CA5B: variants seen among roughly 807,000 people sequenced by gnomAD.
CA5B encodes carbonic anhydrase 5B.
A neutral mutation model predicts 23.1 loss-of-function variants in CA5B; 15 were observed. That is an observed-to-expected ratio of 0.65 (90% CI 0.43 to 1.00). The LOEUF (loss-of-function observed/expected upper bound fraction) is 1.00. Ranked by LOEUF, CA5B falls within the 50% of genes least tolerant of loss-of-function variation. The probability of loss-of-function intolerance (pLI) is 0.00; values close to 1 mark genes in which losing one functional copy is unlikely to be tolerated. For synonymous variants in CA5B, 84 were observed against 98.5 expected (o/e 0.85, Z 0.87); for missense variants, 236 against 252.2 (o/e 0.94, Z 0.43).
In CA5B at chrX:15,762,300, T is replaced by G. The variant is rs773941137; in HGVS notation, c.143-2278T>G. On this transcript the variant is annotated intron_variant, in intron 2 of 7. Coordinates refer to ENST00000318636, the MANE Select transcript of CA5B (RefSeq NM_007220.4). ...AAAAAAAGGTATTGACTTCCGGCTT[T>G]CAGCAATTACCGAAGGAAGAGGATT... 2.4e-4 allele frequency among the ~76,000 whole-genome samples: 27 copies of G among 110,584 alleles called. 1 individual carries two copies. The South Asian group carries it at 0.01, about 42-fold the overall frequency.
intron 1 of CA5B, among the ~76,000 whole-genome samples, chrX:15,745,933 A>T (rs1931220701): frequency 9.0e-6 from 1 of 111,449 alleles, no homozygotes; most frequent in African/African-American, 3.3e-5. Context: ...AATTTGAGTA[A>T]TAATAACTTG....
intron 2 of CA5B, among the ~76,000 whole-genome samples, chrX:15,756,857 A>G (rs1931497989): frequency 1.8e-5 from 2 of 109,150 alleles, no homozygotes; most frequent in Non-Finnish European, 3.8e-5. Flanking sequence ...GATCGAGACC[A>G]TCCTGGCTAA....
At chrX:15,774,839 C>T (rs5980181) in intron 5 of CA5B, among the ~76,000 whole-genome samples, 3,212 of 111,437 alleles carry the variant, frequency 0.029, 45 homozygotes, top group Middle Eastern at 0.07. Context: ...CTCCATCCCC[C>T]CCACCACCAA....
intron 2 of CA5B, among the ~76,000 whole-genome samples, chrX:15,754,548 C>A (rs1463391320): frequency 1.8e-5 from 2 of 112,009 alleles, no homozygotes; most frequent in African/African-American, 6.5e-5. Context: ...GTTGATAGTC[C>A]TAACTTTGGA....
chrX:15,739,450 GTTTT>G (rs79951796), intron 1 of CA5B, among the ~76,000 whole-genome samples: 1 of 100,539 alleles, frequency 9.9e-6, no homozygotes, highest in South Asian at 4.5e-4. Context: ...TTTTACTGAG[GTTTT>G]TTTTTTTTTT....
In CA5B at chrX:15,784,490, G is replaced by A. The variant is rs1442918098; in HGVS notation, c.*1826G>A. The A allele has an allele frequency of 8.9e-6, 1 of 112,184 alleles. No homozygotes were observed. Among genetic ancestry groups the A allele is most frequent in the Non-Finnish European group, 1.9e-5 (1 of 53,275 alleles). 9.2% of individuals were successfully genotyped at this position (112,184 alleles called of 1,213,427 possible). A position where few individuals can be genotyped will look rare whatever the true frequency, so the allele number is the denominator to read the frequency against. On this transcript the variant is annotated 3_prime_UTR_variant, in exon 8 of 8. Coordinates refer to ENST00000318636, the MANE Select transcript of CA5B (RefSeq NM_007220.4). ...TCTAGATAATTCTACATATTCTGAG[G>A]AATTCATGCTCCTGTGGCTCTTGCT...
chrX:15,747,342 C>T (rs1314487900), intron 1 of CA5B, among the ~76,000 whole-genome samples: 2 of 111,501 alleles, frequency 1.8e-5, no homozygotes, highest in East Asian at 2.8e-4. Flanking sequence ...TCATAGGTTA[C>T]GGGTTTTTCA....
Position 15,743,951 on chromosome X carries a change from AGCACCATTCTGGG to A in CA5B, c.-54+5604_-54+5616del, listed in dbSNP as rs1304615191. On this transcript the variant is annotated intron_variant, in intron 1 of 7. Transcript: ENST00000318636. ...AGTCAGGGTCCCCTACAGTGAGATC[AGCACCATTCTGGG>A]GCACAGATAGAGGTCCAGACTTTTG... Among the ~76,000 whole-genome samples the A allele has an allele frequency of 2.7e-5, 3 of 111,983 alleles. No homozygotes were observed. In the East Asian group the frequency reaches 8.3e-4, roughly 31 times the overall value.
chrX:15,741,115 T>A (rs1473731227), intron 1 of CA5B, among the ~76,000 whole-genome samples: 1 of 109,187 alleles, frequency 9.2e-6, no homozygotes, highest in Non-Finnish European at 1.9e-5. Flanking sequence ...TCACCTAGGC[T>A]GGAGTGCAGC....
At chrX:15,774,775 C>A (rs1425881939) in intron 5 of CA5B, among the ~76,000 whole-genome samples, 1 of 111,466 alleles carries the variant, frequency 9.0e-6, no homozygotes, top group Admixed American at 9.5e-5. Flanking sequence ...GAGGTGGAGG[C>A]TGCAGTAAGC....
intron 6 of CA5B, chrX:15,775,822 G>A: frequency 1.4e-6 from 1 of 736,721 alleles, no homozygotes; most frequent in Non-Finnish European, 1.6e-6. Flanking sequence ...ATCCCCCACT[G>A]TATCCCTCTG....
rs1932048870 is a variant in CA5B at position 15,782,768 on chromosome X, C to T, written c.*104C>T. On this transcript the variant is annotated 3_prime_UTR_variant, in exon 8 of 8. Transcript: ENST00000318636. Reference sequence around the variant, plus strand: ...AAGTGCCTGCATTTGATAATATTTACAGATGTGCATTTCTTAGCATGAGAG... The same window carrying T: ...AAGTGCCTGCATTTGATAATATTTATAGATGTGCATTTCTTAGCATGAGAG... 2.6e-5 allele frequency: 16 copies of T among 615,067 alleles called. No homozygotes were observed. Among genetic ancestry groups the T allele is most frequent in the Middle Eastern group, 3.4e-4 (1 of 2,974 alleles). The allele number at this position is 615,067 out of a possible 1,213,427, so 50.7% of individuals were successfully genotyped here. A position where few individuals can be genotyped will look rare whatever the true frequency, so the allele number is the denominator to read the frequency against.
rs1932075066 is a variant in CA5B, at chrX:15,784,180, GC to G, written c.*1519del. 2 of 112,456 alleles carry G rather than the reference GC, an allele frequency of 1.8e-5. No individual in the cohort carries two copies. The highest frequency in any genetic ancestry group is 5.6e-4 in the East Asian group (2 of 3,553). 9.3% of individuals were successfully genotyped at this position (112,456 alleles called of 1,213,427 possible). On this transcript the variant is annotated 3_prime_UTR_variant, in exon 8 of 8. Transcript: ENST00000318636. ...TGGGATTACAGGCGTGAGCCACCGTGCCCGGCCTTCCAGAAATATTTTTCAA... is the reference window on the plus strand; with the variant it reads ...TGGGATTACAGGCGTGAGCCACCGTGCCGGCCTTCCAGAAATATTTTTCAA...
intron 3 of CA5B, chrX:15,769,403 A>G: frequency 1.5e-6 from 1 of 648,645 alleles, no homozygotes; most frequent in Non-Finnish European, 1.8e-6. Context: ...GAGAGTCGAA[A>G]TACTGTGGGG....
intron 7 of CA5B, among the ~76,000 whole-genome samples, chrX:15,782,112 T>G (rs993789380): frequency 1.8e-5 from 2 of 112,297 alleles, no homozygotes; most frequent in Admixed American, 9.4e-5. Context: ...TCCTTTCTCA[T>G]TCTGTAAGCT....
chrX:15,767,621 T>C (rs1264182411), intron 3 of CA5B, among the ~76,000 whole-genome samples: 1 of 108,938 alleles, frequency 9.2e-6, no homozygotes, highest in Non-Finnish European at 1.9e-5. Flanking sequence ...GGAGTTTTGC[T>C]CTTGTTGCCC....
At chrX:15,761,393 A>G in intron 2 of CA5B, among the ~76,000 whole-genome samples, 2 of 112,211 alleles carry the variant, frequency 1.8e-5, no homozygotes, top group South Asian at 7.4e-4. Context: ...TCCTGCCCAC[A>G]AGGAATTTGC....
intron 2 of CA5B, among the ~76,000 whole-genome samples, chrX:15,757,102 G>A (rs1232824144): frequency 1.8e-5 from 2 of 109,041 alleles, no homozygotes; most frequent in Non-Finnish European, 1.9e-5. Context: ...ATGGCCGGGT[G>A]CAGTGGCTCA....
chrX:15,775,703 TCCTTCAGGTCGGATG>T, intron 6 of CA5B: 2 of 757,718 alleles, frequency 2.6e-6, no homozygotes, highest in South Asian at 1.3e-4. Flanking sequence ...GTAATCCACA[TCCTTCAGGTCGGATG>T]CCTTTGTCCA....
Sources: gnomAD v4.1 joint callset for allele counts (sites outside exome capture counted in the v4.1 genomes callset) on GRCh38, gnomAD v4.1.1 for gene constraint, MANE v1.5 for transcripts, NCBI Gene and HGNC (gene_info 2026-07-23, HGNC 2026-07-21) for gene names.